LUZP2: variants seen among roughly 807,000 people sequenced by gnomAD.
LUZP2 encodes the protein leucine zipper protein 2.
Under a neutral mutation model 51.6 loss-of-function variants are expected in LUZP2, and 52 were observed. The observed-to-expected ratio is 1.01, with a 90% confidence interval of 0.81 to 1.27. The LOEUF (loss-of-function observed/expected upper bound fraction) is 1.27, where lower values mean the gene tolerates loss of function less well. Ranked by LOEUF, LUZP2 falls within the 50% of genes most tolerant of loss-of-function variation. The pLI is 0.00. For missense variants in LUZP2, 436 were observed against 395.4 expected, an observed-to-expected ratio of 1.10 and a Z score of -0.87; for synonymous variants, 154 against 137.3, an observed-to-expected ratio of 1.12 and a Z score of -0.85.
intron 7 of LUZP2, among the ~76,000 whole-genome samples, chr11:24,958,850 A>T (rs1855295658): frequency 6.6e-6 from 1 of 152,064 alleles, no homozygotes; most frequent in Non-Finnish European, 1.5e-5. Context: ...CTGAATGGTA[A>T]TGACTTGGTT....
At chr11:24,537,430 C>T (rs764790309) in intron 1 of LUZP2, among the ~76,000 whole-genome samples, 1 of 151,880 alleles carries the variant, frequency 6.6e-6, no homozygotes, top group Non-Finnish European at 1.5e-5. Flanking sequence ...AAATACAACT[C>T]TCGAATCACG....
intron 5 of LUZP2, among the ~76,000 whole-genome samples, chr11:24,765,230 A>G (rs1860136314): frequency 6.6e-6 from 1 of 152,238 alleles, no homozygotes; most frequent in African/African-American, 2.4e-5. Context: ...TATACACTGT[A>G]CAGTGAAGTT....
intron 5 of LUZP2, among the ~76,000 whole-genome samples, chr11:24,853,535 G>A (rs1027370473): frequency 1.3e-5 from 2 of 151,876 alleles, no homozygotes; most frequent in Non-Finnish European, 2.9e-5. Context: ...CTTTTTTTAA[G>A]GTGCTTAGCT....
chr11:24,533,817 A>C (rs1255900849), intron 1 of LUZP2, among the ~76,000 whole-genome samples: 3 of 151,200 alleles, frequency 2.0e-5, no homozygotes, highest in Non-Finnish European at 4.4e-5. Context: ...AAAATCCAGC[A>C]TAATATCTTC....
intron 1 of LUZP2, among the ~76,000 whole-genome samples, chr11:24,664,263 G>T (rs537431480): frequency 1.3e-5 from 2 of 152,112 alleles, no homozygotes; most frequent in Non-Finnish European, 2.9e-5. Flanking sequence ...GCAGCACTTT[G>T]CCCCTGCCCT....
intron 1 of LUZP2, among the ~76,000 whole-genome samples, chr11:24,578,637 T>A (rs1447981775): frequency 6.6e-6 from 1 of 151,564 alleles, no homozygotes; most frequent in Non-Finnish European, 1.5e-5. Context: ...TGCAGCAACA[T>A]GGATGCAGCT....
intron 1 of LUZP2, among the ~76,000 whole-genome samples, chr11:24,541,978 A>G (rs1851381230): frequency 6.6e-6 from 1 of 152,030 alleles, no homozygotes; most frequent in Non-Finnish European, 1.5e-5. Context: ...CATATTTCTG[A>G]GACAGAATGG....
chr11:25,041,680 C>G (rs1858063794), intron 9 of LUZP2, among the ~76,000 whole-genome samples: 1 of 151,944 alleles, frequency 6.6e-6, no homozygotes, highest in East Asian at 1.9e-4. Context: ...CTTTGAAGAC[C>G]CTTGTGGGTC....
chr11:24,857,111 C>T (rs1189573706), intron 5 of LUZP2, among the ~76,000 whole-genome samples: 1 of 151,908 alleles, frequency 6.6e-6, no homozygotes, highest in East Asian at 1.9e-4. Context: ...ACCATCCATT[C>T]TAAGCAGATT....
chr11:24,730,914 C>T (rs575141686), intron 2 of LUZP2, among the ~76,000 whole-genome samples: 67 of 151,878 alleles, frequency 4.4e-4, no homozygotes, highest in Non-Finnish European at 7.5e-4. Context: ...TTGTGCAAGG[C>T]TGATTTTGTG....
intron 1 of LUZP2, among the ~76,000 whole-genome samples, chr11:24,722,496 G>C (rs555147469): frequency 6.6e-6 from 1 of 152,164 alleles, no homozygotes; most frequent in African/African-American, 2.4e-5. Context: ...CATCCCACCA[G>C]GTTCCTCCCA....
chr11:24,793,506 T>A (rs1412744975), intron 5 of LUZP2, among the ~76,000 whole-genome samples: 1 of 152,076 alleles, frequency 6.6e-6, no homozygotes, highest in East Asian at 1.9e-4. Context: ...TGTAAAAGAA[T>A]AAAGAAAAGT....
At chr11:24,918,701 A>C (rs939712464) in intron 7 of LUZP2, among the ~76,000 whole-genome samples, 6 of 151,516 alleles carry the variant, frequency 4.0e-5, no homozygotes, top group African/African-American at 1.2e-4. Context: ...GTCAAAAAAT[A>C]TAAAGCCAAA....
At chr11:24,805,360 A>G (rs777053801) in intron 5 of LUZP2, among the ~76,000 whole-genome samples, 3 of 152,040 alleles carry the variant, frequency 2.0e-5, no homozygotes, top group African/African-American at 7.2e-5. Context: ...GGGAGTTACA[A>G]TTCAATATGA....
chr11:24,923,091 G>A (rs773024843), intron 7 of LUZP2, among the ~76,000 whole-genome samples: 35 of 151,702 alleles, frequency 2.3e-4, no homozygotes, highest in Admixed American at 3.9e-4. Flanking sequence ...CTCGTGATCC[G>A]CCTGCTTCGG....
chr11:24,666,149 A>G (rs1856205608), intron 1 of LUZP2, among the ~76,000 whole-genome samples: 1 of 152,134 alleles, frequency 6.6e-6, no homozygotes, highest in Non-Finnish European at 1.5e-5. Flanking sequence ...AAATGGGGGA[A>G]GGTCTGCTTA....
At chr11:24,571,718 CTG>C (rs1852448875) in intron 1 of LUZP2, among the ~76,000 whole-genome samples, 2 of 152,154 alleles carry the variant, frequency 1.3e-5, no homozygotes, top group Non-Finnish European at 2.9e-5. Flanking sequence ...TGTTTTAACT[CTG>C]TGATTTTTGA....
intron 10 of LUZP2, among the ~76,000 whole-genome samples, chr11:25,057,367 T>G (rs1353692320): frequency 1.3e-5 from 2 of 152,112 alleles, no homozygotes; most frequent in African/African-American, 2.4e-5. Context: ...GATTCCTTGT[T>G]CCTTTTTAAA....
At chr11:24,561,591 A>G (rs1008208914) in intron 1 of LUZP2, among the ~76,000 whole-genome samples, 3 of 152,138 alleles carry the variant, frequency 2.0e-5, no homozygotes, top group South Asian at 2.1e-4. Context: ...GCATGTTCTC[A>G]TGTTCTCACT....
Sources: gnomAD v4.1 joint callset for allele counts (sites outside exome capture counted in the v4.1 genomes callset) on GRCh38, gnomAD v4.1.1 for gene constraint, MANE v1.5 for transcripts, NCBI Gene and HGNC (gene_info 2026-07-23, HGNC 2026-07-21) for gene names.